Variants in GAS7 observed in about 807,000 individuals in gnomAD.
GAS7 encodes growth arrest specific 7.
GAS7 carries 28 observed loss-of-function variants against 71.1 expected under a neutral mutation model. The ratio of observed to expected loss-of-function variants is 0.39; its 90% CI spans 0.29 to 0.54. The LOEUF (loss-of-function observed/expected upper bound fraction) is 0.54. Ranked by LOEUF, GAS7 falls within the 20% of genes least tolerant of loss-of-function variation. The pLI is 0.62. For missense variants in GAS7, 436 were observed against 627.8 expected (o/e 0.69, Z 3.27); for synonymous variants, 258 against 245.8 (o/e 1.05, Z -0.46).
intron 3 of GAS7, among the ~76,000 whole-genome samples, chr17:9,980,345 T>C (rs190782106): frequency 2.1e-4 from 32 of 152,240 alleles, no homozygotes; most frequent in African/African-American, 7.7e-4. Context: ...TCGCTTTGCG[T>C]CCCACCTCCC....
intron 3 of GAS7, among the ~76,000 whole-genome samples, chr17:9,978,550 C>T (rs917002480): frequency 2.6e-5 from 4 of 151,296 alleles, no homozygotes; most frequent in Non-Finnish European, 4.4e-5. Flanking sequence ...TGGTGGCACA[C>T]GCCTGTAGTT....
At chr17:10,000,784 C>T (rs931845287) in intron 2 of GAS7, among the ~76,000 whole-genome samples, 18 of 152,342 alleles carry the variant, frequency 1.2e-4, no homozygotes, top group African/African-American at 3.6e-4. Context: ...TCTGTTCTTC[C>T]GCTTCCCAAG....
chr17:10,148,977 T>C (rs1221755458), intron 1 of GAS7, among the ~76,000 whole-genome samples: 1 of 150,802 alleles, frequency 6.6e-6, no homozygotes, highest in Non-Finnish European at 1.5e-5. Context: ...GATGAATAAA[T>C]GATGGAGAAC....
At chr17:9,975,653 TGTAA>T (rs1384752631) in intron 3 of GAS7, among the ~76,000 whole-genome samples, 1 of 152,098 alleles carries the variant, frequency 6.6e-6, no homozygotes, top group Non-Finnish European at 1.5e-5. Flanking sequence ...AGATGTGTAT[TGTAA>T]GTGTTATGCA....
chr17:9,972,641 G>A (rs906919178), intron 3 of GAS7, among the ~76,000 whole-genome samples: 3 of 152,150 alleles, frequency 2.0e-5, no homozygotes, highest in Non-Finnish European at 4.4e-5. Flanking sequence ...TAAAAACTTG[G>A]TCACATTTAA....
At chr17:10,035,856 C>CATT (rs2072735715) in intron 1 of GAS7, among the ~76,000 whole-genome samples, 3 of 152,176 alleles carry the variant, frequency 2.0e-5, no homozygotes, top group African/African-American at 7.2e-5. Context: ...AAGCACAGTG[C>CATT]ATTACTGGGC....
intron 1 of GAS7, among the ~76,000 whole-genome samples, chr17:10,121,346 A>C (rs2073903166): frequency 6.6e-6 from 1 of 152,154 alleles, no homozygotes; most frequent in Non-Finnish European, 1.5e-5. Context: ...GGGCCACTGC[A>C]CTCCAGCCTG....
rs182528736 is a variant in GAS7, at chr17:10,182,334, A to T, written c.183+15874T>A. Among the ~76,000 whole-genome samples the T allele has an allele frequency of 1.1e-4, 16 of 152,180 alleles. No homozygotes were observed. In the East Asian group the frequency reaches 3.1e-3, roughly 29 times the overall value. ...ACCACCACGCTCGGCTAATTTTTGC[A>T]TATTTAGTAGAGATGGGGTTTCACC... On this transcript the variant is annotated intron_variant, in intron 1 of 13. Transcript: ENST00000432992.
chr17:10,026,575 T>C lies in GAS7; in HGVS notation c.184-6678A>G, dbSNP rs1205120254. On this transcript the variant is annotated intron_variant, in intron 1 of 13. Coordinates refer to ENST00000432992, the MANE Select transcript of GAS7 (RefSeq NM_201433.2). The surrounding 1 kb of genome is among the most constrained non-coding windows in gnomAD (Gnocchi z 4.5). ...CGCCTGGGAAGGTTGAGTCCCGGAG[T>C]AGTCCTGGACTCAGCAGCCAGGAGT... 3.9e-5 allele frequency among the ~76,000 whole-genome samples: 6 copies of C among 151,976 alleles called. No homozygotes were observed. The highest frequency in any genetic ancestry group is 7.2e-5 in the African/African-American group (3 of 41,382).
At chr17:9,932,194 C>CATCTTTTTTT (rs1567789287) in intron 9 of GAS7, among the ~76,000 whole-genome samples, 2 of 116,154 alleles carry the variant, frequency 1.7e-5, no homozygotes, top group African/African-American at 6.5e-5. Context: ...GTCCCCCCCG[C>CATCTTTTTTT]TTTTTTTTTT....
intron 4 of GAS7, among the ~76,000 whole-genome samples, chr17:9,965,650 C>G (rs9908196): frequency 0.49 from 73,884 of 152,102 alleles, 18,037 homozygotes; most frequent in Admixed American, 0.53. Context: ...TGCACGTTCT[C>G]CACATGTATC....
At chr17:10,189,489 CTCCT>C (rs1324970200) in intron 1 of GAS7, among the ~76,000 whole-genome samples, 1 of 152,208 alleles carries the variant, frequency 6.6e-6, no homozygotes, top group Admixed American at 6.5e-5. Flanking sequence ...CAGGTTCTAT[CTCCT>C]TCCCCGGCAC....
intron 1 of GAS7, chr17:10,036,509 A>C: frequency 6.2e-7 from 1 of 1,611,134 alleles, no homozygotes; most frequent in Non-Finnish European, 8.5e-7. Context: ...AAGCCCTCAG[A>C]CTCAGCACCA....
At position 9,926,424 on chromosome 17, in the gene GAS7, G is replaced by A. The variant is rs1455932078; in HGVS notation, c.1014+217C>T. Among the ~76,000 whole-genome samples, 1 of 152,198 alleles carries A rather than the reference G, an allele frequency of 6.6e-6. No homozygotes were observed. Among genetic ancestry groups the A allele is most frequent in the Non-Finnish European group, 1.5e-5 (1 of 68,030 alleles). ...CCTCTCCTCGCACCCCTGGCCCTCT[G>A]GGTGGTCATTCCAGCACCACAGGGA... On this transcript the variant is annotated intron_variant, in intron 10 of 13. Transcript: ENST00000432992. The surrounding 1 kb of genome is among the most constrained non-coding windows in gnomAD (Gnocchi z 5.0).
intron 1 of GAS7, among the ~76,000 whole-genome samples, chr17:10,182,377 C>A (rs536463983): frequency 6.6e-6 from 1 of 152,282 alleles, no homozygotes; most frequent in East Asian, 1.9e-4. Context: ...CCAGGCTGAT[C>A]TTGAACTCCT....
At chr17:10,054,454 T>C in intron 1 of GAS7, among the ~76,000 whole-genome samples, 1 of 152,152 alleles carries the variant, frequency 6.6e-6, no homozygotes, top group Non-Finnish European at 1.5e-5. Context: ...GGATTTTTAA[T>C]GGAAAACCTG....
intron 1 of GAS7, among the ~76,000 whole-genome samples, chr17:10,128,680 C>T (rs1380797803): frequency 6.0e-5 from 9 of 150,234 alleles, no homozygotes; most frequent in African/African-American, 1.7e-4. Flanking sequence ...AGTGCAGCGG[C>T]GTGATCTCGG....
chr17:10,101,828 C>T (rs2073701775), intron 1 of GAS7, among the ~76,000 whole-genome samples: 1 of 152,192 alleles, frequency 6.6e-6, no homozygotes, highest in African/African-American at 2.4e-5. Flanking sequence ...TGCCAGGACC[C>T]ATCTAAGTTG....
At chr17:9,951,525 G>A (rs2069006758) in intron 5 of GAS7, among the ~76,000 whole-genome samples, 1 of 152,162 alleles carries the variant, frequency 6.6e-6, no homozygotes, top group East Asian at 1.9e-4. Flanking sequence ...GGGAGGCCGA[G>A]ATGGGTGGAT....
Sources: gnomAD v4.1 joint callset for allele counts (sites outside exome capture counted in the v4.1 genomes callset) on GRCh38, gnomAD v4.1.1 for gene constraint, Gnocchi (gnomAD v3.1) non-coding constraint, MANE v1.5 for transcripts, NCBI Gene and HGNC (gene_info 2026-07-23, HGNC 2026-07-21) for gene names.